The following NPSR1 variants were observed in gnomAD, a reference collection of about 807,000 sequenced individuals.
NPSR1 encodes neuropeptide S receptor.
A neutral mutation model predicts 46.9 loss-of-function variants in NPSR1; 48 were observed. That is an observed-to-expected ratio of 1.02 (90% CI 0.81 to 1.30). The LOEUF is 1.30. NPSR1 is among the 50% of genes most tolerant of loss of function. The probability of loss-of-function intolerance (pLI) is 0.00; values close to 1 mark genes in which losing one functional copy is unlikely to be tolerated. For missense variants in NPSR1, 450 were observed against 449.5 expected, an observed-to-expected ratio of 1.00 and a Z score of -0.01; for synonymous variants, 176 against 168.1, an observed-to-expected ratio of 1.05 and a Z score of -0.36.
At chr7:34,689,604 C>CAAAAAAAAAAAAAAAAAAAGAA (rs1793123337) in intron 2 of NPSR1, among the ~76,000 whole-genome samples, 2 of 36,676 alleles carry the variant, frequency 5.5e-5, no homozygotes, top group Non-Finnish European at 9.4e-5. Flanking sequence ...GACTCTGTCT[C>CAAAAAAAAAAAAAAAAAAAGAA]AAAAAAAAAA....
chr7:34,815,248 C>G (rs759610117), intron 4 of NPSR1, among the ~76,000 whole-genome samples: 1 of 152,114 alleles, frequency 6.6e-6, no homozygotes, highest in Non-Finnish European at 1.5e-5. Context: ...GAGCTGAAAA[C>G]CATGGCACAA....
At position 34,863,846 on chromosome 7, in the gene NPSR1, A is replaced by G. The variant is rs1562777823; in HGVS notation, c.1026-14230A>G. On this transcript the variant is annotated intron_variant, in intron 8 of 8. Coordinates refer to the NPSR1 transcript ENST00000359791. ...TCCTCAAGGATCTAGAACCGGTAAT[A>G]CCATTTGACCCAGCAATCCCATTAC... Among the ~76,000 whole-genome samples, 3 of 151,858 alleles carry G rather than the reference A, an allele frequency of 2.0e-5. No homozygotes were observed. In the South Asian group the frequency reaches 6.2e-4, roughly 31 times the overall value.
At chr7:34,812,129 G>A (rs1789014801) in intron 4 of NPSR1, among the ~76,000 whole-genome samples, 1 of 152,116 alleles carries the variant, frequency 6.6e-6, no homozygotes, top group Non-Finnish European at 1.5e-5. Context: ...GTGGGTGGCT[G>A]ACCCACTTTG....
chr7:34,792,734 T>TATATTTATATATATATGTATATA (rs58315247), intron 3 of NPSR1, among the ~76,000 whole-genome samples: 53 of 123,238 alleles, frequency 4.3e-4, no homozygotes, highest in East Asian at 1.7e-3. Flanking sequence ...TATATATATA[T>TATATTTATATATATATGTATATA]TAGCCAGGCA....
intron 3 of NPSR1, among the ~76,000 whole-genome samples, chr7:34,780,203 C>CA (rs1312257820): frequency 3.9e-5 from 6 of 152,112 alleles, no homozygotes; most frequent in African/African-American, 1.4e-4. Flanking sequence ...AACTTGGATT[C>CA]AGTATGGGAA....
At chr7:34,663,682 G>T (rs368990865) in intron 1 of NPSR1, among the ~76,000 whole-genome samples, 2 of 152,120 alleles carry the variant, frequency 1.3e-5, no homozygotes, top group South Asian at 4.2e-4. Context: ...CCACTGCTGC[G>T]CCATCAAACT....
chr7:34,780,041 T>C (rs1190775910), intron 3 of NPSR1, among the ~76,000 whole-genome samples: 1 of 152,172 alleles, frequency 6.6e-6, no homozygotes, highest in Non-Finnish European at 1.5e-5. Flanking sequence ...GGCCTCTCTA[T>C]AGGTACATTT....
Position 34,849,718 on chromosome 7 carries a change from C to G in NPSR1, c.*63C>G. On this transcript the variant is annotated 3_prime_UTR_variant, in exon 9 of 9. Transcript: ENST00000360581. ...AGCTCTCCCAGGTCCTTGTCACCTG[C>G]TTGGGCACGTGCATGGAACCCGAGC... The G allele has an allele frequency of 6.3e-7, 1 of 1,597,306 alleles. No individual in the cohort carries two copies. Among genetic ancestry groups the G allele is most frequent in the African/African-American group, 1.3e-5 (1 of 74,472 alleles).
intron 2 of NPSR1, among the ~76,000 whole-genome samples, chr7:34,775,520 T>C (rs189179598): frequency 7.7e-4 from 117 of 152,288 alleles, no homozygotes; most frequent in African/African-American, 2.3e-3. Flanking sequence ...TTATTTGTTA[T>C]TGGTCATAGT....
At chr7:34,825,638 C>A (rs1789792179) in intron 4 of NPSR1, among the ~76,000 whole-genome samples, 1 of 152,116 alleles carries the variant, frequency 6.6e-6, no homozygotes, top group South Asian at 2.1e-4. Flanking sequence ...GGTCACTGCC[C>A]AAGTCAAGGA....
chr7:34,723,861 A>C (rs913618363), intron 2 of NPSR1, among the ~76,000 whole-genome samples: 2 of 152,162 alleles, frequency 1.3e-5, no homozygotes, highest in Non-Finnish European at 2.9e-5. Flanking sequence ...AATTATAATA[A>C]AATAATATGA....
intron 2 of NPSR1, among the ~76,000 whole-genome samples, chr7:34,722,425 C>T (rs1226886228): frequency 2.6e-5 from 4 of 152,128 alleles, no homozygotes; most frequent in Admixed American, 2.6e-4. Context: ...GAAATCTCTG[C>T]AGCTAAATGT....
chr7:34,805,165 A>G (rs1788634298), intron 3 of NPSR1, among the ~76,000 whole-genome samples: 1 of 152,016 alleles, frequency 6.6e-6, no homozygotes, highest in Non-Finnish European at 1.5e-5. Flanking sequence ...GAGATATTTT[A>G]TCAATATAAA....
chr7:34,674,540 T>C (rs1054555948), intron 1 of NPSR1, among the ~76,000 whole-genome samples: 4 of 152,238 alleles, frequency 2.6e-5, no homozygotes, highest in African/African-American at 9.6e-5. Context: ...TAGAATTTCA[T>C]TGTCTTCTCA....
chr7:34,736,984 A>C (rs115120526), intron 2 of NPSR1, among the ~76,000 whole-genome samples: 1,737 of 146,526 alleles, frequency 0.012, 27 homozygotes, highest in African/African-American at 0.037. Flanking sequence ...ACTGCCCTGA[A>C]CTCTTTCTTA....
At chr7:34,853,192 T>A (rs1335820332), downstream of NPSR1, among the ~76,000 whole-genome samples, 1 of 152,160 alleles carries the variant, frequency 6.6e-6, no homozygotes, top group African/African-American at 2.4e-5. Context: ...TCCAACTGCA[T>A]TCACAGTGTC....
At chr7:34,681,818 T>TGAGAGAGA (rs34981870) in intron 1 of NPSR1, among the ~76,000 whole-genome samples, 1 of 149,746 alleles carries the variant, frequency 6.7e-6, no homozygotes, top group Non-Finnish European at 1.5e-5. Context: ...CTTTCAAAGC[T>TGAGAGAGA]GAGAGAGAGA....
chr7:34,728,422 C>A (rs1315047403), intron 2 of NPSR1, among the ~76,000 whole-genome samples: 3 of 152,224 alleles, frequency 2.0e-5, no homozygotes, highest in Non-Finnish European at 4.4e-5. Flanking sequence ...CCAGTTCCCA[C>A]CTGAGCCAGT....
intron 8 of NPSR1, among the ~76,000 whole-genome samples, chr7:34,863,841 G>C (rs1195332612): frequency 6.6e-6 from 1 of 151,696 alleles, no homozygotes; most frequent in South Asian, 2.1e-4. Flanking sequence ...TCTAGAACCG[G>C]TAATACCATT....
Sources: gnomAD v4.1 joint callset for allele counts (sites outside exome capture counted in the v4.1 genomes callset) on GRCh38, gnomAD v4.1.1 for gene constraint, MANE v1.5 for transcripts, NCBI Gene and HGNC (gene_info 2026-07-23, HGNC 2026-07-21) for gene names.